The following UNC13C variants were observed in gnomAD, a reference collection of about 807,000 sequenced individuals.
The protein encoded by UNC13C is protein unc-13 homolog C.
Under a neutral mutation model 245.4 loss-of-function variants are expected in UNC13C, and 174 were observed. The ratio of observed to expected loss-of-function variants is 0.71; its 90% confidence interval spans 0.63 to 0.80. UNC13C has a LOEUF of 0.80. UNC13C is among the 30% of genes least tolerant of loss of function. The pLI is 0.00. For missense variants in UNC13C, 2,829 were observed against 2,602.9 expected (o/e 1.09, Z -1.89); for synonymous variants, 992 against 895.1 (o/e 1.11, Z -1.93).
intron 19 of UNC13C, among the ~76,000 whole-genome samples, chr15:54,426,370 G>GAAAAAAA (rs2040760208): frequency 6.7e-6 from 1 of 148,798 alleles, no homozygotes; most frequent in Non-Finnish European, 1.5e-5. Context: ...TTATCACATG[G>GAAAAAAA]ATGGCCTCAC....
intron 4 of UNC13C, among the ~76,000 whole-genome samples, chr15:54,185,352 A>T (rs1378959512): frequency 1.3e-5 from 2 of 151,842 alleles, no homozygotes; most frequent in East Asian, 3.9e-4. Context: ...GCCCATGCCT[A>T]TGTCCTGAAT....
chr15:54,603,257 C>A (rs1899545719), intron 30 of UNC13C, among the ~76,000 whole-genome samples: 1 of 152,184 alleles, frequency 6.6e-6, no homozygotes, highest in Non-Finnish European at 1.5e-5. Context: ...TCTCACACAT[C>A]TTCCTAGAAT....
the UNC13C span, among the ~76,000 whole-genome samples, chr15:53,847,083 C>A: frequency 1.9e-3 from 282 of 152,032 alleles, no homozygotes; most frequent in Non-Finnish European, 3.1e-3. Flanking sequence ...ACAACAACAA[C>A]AAAAAACAAC....
intron 2 of UNC13C, among the ~76,000 whole-genome samples, chr15:54,021,303 CT>C (rs1197963676): frequency 6.6e-6 from 1 of 152,138 alleles, no homozygotes; most frequent in Non-Finnish European, 1.5e-5. Flanking sequence ...CTAGCTCAAA[CT>C]TTTTACCCTT....
At chr15:54,379,502 C>T (rs2039675579) in intron 17 of UNC13C, among the ~76,000 whole-genome samples, 1 of 151,822 alleles carries the variant, frequency 6.6e-6, no homozygotes, top group African/African-American at 2.4e-5. Context: ...TTTATTATAC[C>T]TTTTTTAATA....
In UNC13C at chr15:54,013,994, G is replaced by A; in HGVS notation, c.1091G>A (p.Gly364Glu). The A allele has an allele frequency of 6.2e-7, 1 of 1,613,738 alleles. No homozygotes were observed. The highest frequency in any genetic ancestry group is 2.2e-5 in the East Asian group (1 of 44,864). Residue 364 changes from glycine (G) to glutamate (E), a missense_variant, in exon 2 of 33, where the codon GGA becomes GAA. Transcript: ENST00000260323. ...AIKIEFAQRI[G>E]HQRDCPNAKP... ...AAAATTGAATTTGCTCAGAGGATAG[G>A]ACACCAGAGAGACTGCCCAAATGCA...
At chr15:54,157,589 C>G (rs1275159460) in intron 4 of UNC13C, among the ~76,000 whole-genome samples, 1 of 152,148 alleles carries the variant, frequency 6.6e-6, no homozygotes, top group Non-Finnish European at 1.5e-5. Context: ...CCAAGATAAG[C>G]TGGCCACTTT....
chr15:54,044,503 A>G (rs937961706), intron 2 of UNC13C: 2 of 238,768 alleles, frequency 8.4e-6, no homozygotes, highest in South Asian at 7.8e-5. Context: ...GAATTTCCCA[A>G]CTGTTTTCCA....
intron 17 of UNC13C, among the ~76,000 whole-genome samples, chr15:54,391,122 C>G (rs1327354855): frequency 6.6e-6 from 1 of 151,944 alleles, no homozygotes; most frequent in Non-Finnish European, 1.5e-5. Context: ...TCACTCTTTG[C>G]AAAAATGATA....
intron 2 of UNC13C, among the ~76,000 whole-genome samples, chr15:54,133,343 T>C (rs1320306659): frequency 6.6e-6 from 1 of 152,208 alleles, no homozygotes; most frequent in Non-Finnish European, 1.5e-5. Context: ...GGTATTTCTA[T>C]ATACTGAGAA....
intron 18 of UNC13C, among the ~76,000 whole-genome samples, chr15:54,403,114 G>A (rs1193822613): frequency 6.6e-6 from 1 of 152,280 alleles, no homozygotes; most frequent in East Asian, 1.9e-4. Context: ...TCGAGAAACA[G>A]TTATCTAAAC....
At chr15:53,897,225 C>T in the UNC13C span, among the ~76,000 whole-genome samples, 1 of 152,158 alleles carries the variant, frequency 6.6e-6, no homozygotes, top group Non-Finnish European at 1.5e-5. Context: ...GAAGTCTTGT[C>T]TCACACAGAG....
At position 54,546,793 on chromosome 15, in the gene UNC13C, T is replaced by C. The variant is rs368403462; in HGVS notation, c.5768T>C (p.Val1923Ala). 18 of 1,571,456 alleles carry C rather than the reference T, an allele frequency of 1.1e-5. No individual in the cohort carries two copies. The highest frequency in any genetic ancestry group is 1.5e-5 in the Non-Finnish European group (17 of 1,156,976). ...KRVLKELWKLVLNKIEKQIVL... is the reference protein window; with the variant it reads ...KRVLKELWKLALNKIEKQIVL... ...GTTTTAAAAGAGTTATGGAAGCTAG[T>C]TCTCAACAAAATAGAAAAACAAATT... The change falls in exon 27 of 33, where the codon GTT (valine) becomes GCT (alanine). Residue 1923 changes from valine (V) to alanine (A), a missense_variant. Transcript: ENST00000260323.
intron 2 of UNC13C, among the ~76,000 whole-genome samples, chr15:54,116,234 A>G (rs2030234968): frequency 6.6e-6 from 1 of 152,122 alleles, no homozygotes; most frequent in Non-Finnish European, 1.5e-5. Flanking sequence ...TGTAATTAGA[A>G]TATTCATCAT....
At chr15:53,917,759 C>T in the UNC13C span, among the ~76,000 whole-genome samples, 3 of 152,140 alleles carry the variant, frequency 2.0e-5, no homozygotes, top group Non-Finnish European at 2.9e-5. Context: ...CAAAGTAAAA[C>T]CAGTATTTTA....
At chr15:54,060,275 AAAAC>A (rs1195436057) in intron 2 of UNC13C, among the ~76,000 whole-genome samples, 23 of 152,316 alleles carry the variant, frequency 1.5e-4, no homozygotes, top group African/African-American at 4.6e-4. Context: ...TTAGAAGAAA[AAAAC>A]AAACAACCCC....
At chr15:54,038,120 A>ATT (rs1246982047) in intron 2 of UNC13C, among the ~76,000 whole-genome samples, 6 of 45,202 alleles carry the variant, frequency 1.3e-4, no homozygotes, top group African/African-American at 4.2e-4. Flanking sequence ...ATATATATAT[A>ATT]TATATTTTTT....
In UNC13C at chr15:53,987,254, TGTCTGG is replaced by T. The variant is rs143704085; in HGVS notation, c.-257+8330_-257+8335del. Among the ~76,000 whole-genome samples, 1,411 of 152,202 alleles carry T rather than the reference TGTCTGG, an allele frequency of 9.3e-3. 7 individuals are homozygous for T. Among genetic ancestry groups the T allele is most frequent in the Non-Finnish European group, 0.014 (933 of 67,964 alleles). ...CACATTGTTAGTGATGAGGAATGGC[TGTCTGG>T]GTAATTCAAATTTTATTTTATTTAG... is the stretch of plus-strand genomic sequence containing the variant. On this transcript the variant is annotated intron_variant, in intron 1 of 32. Transcript: ENST00000260323.
At chr15:54,205,278 A>T (rs1797303303) in intron 4 of UNC13C, among the ~76,000 whole-genome samples, 1 of 151,944 alleles carries the variant, frequency 6.6e-6, no homozygotes, top group Admixed American at 6.6e-5. Context: ...GAGTCTAATG[A>T]TCAACTAGTT....
Sources: gnomAD v4.1 joint callset for allele counts (sites outside exome capture counted in the v4.1 genomes callset) on GRCh38, gnomAD v4.1.1 for gene constraint, MANE v1.5 for transcripts, NCBI Gene and HGNC (gene_info 2026-07-23, HGNC 2026-07-21) for gene names.